OR2M4: variants seen among roughly 807,000 people sequenced by gnomAD.
OR2M4 encodes olfactory receptor 2M4.
Under a neutral mutation model 13.7 loss-of-function variants are expected in OR2M4, and 8 were observed. The ratio of observed to expected loss-of-function variants is 0.58; its 90% confidence interval spans 0.34 to 1.05. The LOEUF (loss-of-function observed/expected upper bound fraction) is 1.05, where lower values mean the gene tolerates loss of function less well. Among genes scored for constraint, OR2M4 ranks in the 50% least tolerant of loss-of-function variants. The pLI, the probability that OR2M4 is intolerant of heterozygous loss-of-function variation, is 0.02. For missense variants in OR2M4, 374 were observed against 381.6 expected (o/e 0.98, Z 0.17); for synonymous variants, 152 against 141.3 (o/e 1.08, Z -0.53).
chr1:248,238,652 G>T (rs977015717), intron 1 of OR2M4, among the ~76,000 whole-genome samples: 2 of 152,162 alleles, frequency 1.3e-5, no homozygotes, highest in Non-Finnish European at 2.9e-5. Context: ...AAGTAGGGAA[G>T]CTCTTATACA....
intron 1 of OR2M4, among the ~76,000 whole-genome samples, chr1:248,231,802 A>T (rs1666508055): frequency 6.6e-6 from 1 of 152,124 alleles, no homozygotes; most frequent in Non-Finnish European, 1.5e-5. Flanking sequence ...AAATGTCCTC[A>T]TTTCTCCTGC....
rs1169193771 is a variant in OR2M4, at chr1:248,239,920, G to T, written c.*56G>T. The T allele has an allele frequency of 7.7e-6, 8 of 1,042,534 alleles. No individual in the cohort carries two copies. Among genetic ancestry groups the T allele is most frequent in the East Asian group, 5.2e-5 (2 of 38,612 alleles). The allele number at this position is 1,042,534 out of a possible 1,614,324, so 64.6% of individuals were successfully genotyped here. A position where few individuals can be genotyped will look rare whatever the true frequency, so the allele number is the denominator to read the frequency against. ...TGGTCAACACTCATTCAAAAAAACT[G>T]GAATCTCTTAAATTATTCTATTTCT... On this transcript the variant is annotated 3_prime_UTR_variant, in exon 2 of 2. Transcript: ENST00000641868.
Position 248,239,137 on chromosome 1 carries a change from A to G in OR2M4, c.209A>G (p.Asp70Gly), listed in dbSNP as rs1238848920. The G allele has an allele frequency of 6.2e-7, 1 of 1,613,742 alleles. No homozygotes were observed. The highest frequency in any genetic ancestry group is 1.3e-5 in the African/African-American group (1 of 74,900). The change falls in exon 2 of 2, where the codon GAC becomes GGC. Residue 70 changes from aspartate to glycine, a missense_variant. Transcript: ENST00000641868. ...CTCCTCAGTCAACTGTCCCTTATGG[A>G]CCTCATGCTCATCTGCACCACTCTA... is the stretch of plus-strand genomic sequence containing the variant. Reference protein sequence around the residue: ...YFLLSQLSLMDLMLICTTLPK... With the variant: ...YFLLSQLSLMGLMLICTTLPK...
intron 1 of OR2M4, among the ~76,000 whole-genome samples, chr1:248,234,458 C>A (rs935760057): frequency 6.6e-6 from 1 of 152,068 alleles, no homozygotes; most frequent in African/African-American, 2.4e-5. Flanking sequence ...CCCCTCAACC[C>A]CCTTAACAGG....
At position 248,240,880 on chromosome 1, in the gene OR2M4, A is replaced by G. The variant is rs1666612314; in HGVS notation, c.*1016A>G. On this transcript the variant is annotated 3_prime_UTR_variant, in exon 2 of 2. Coordinates refer to ENST00000641868, the MANE Select transcript of OR2M4 (RefSeq NM_017504.2). Reference sequence around the variant, plus strand: ...GAGCTCAGTGCTGTCCTGTAAGAGCAGAAAGGAAAACCAGATAAAATTCAG... The same window carrying G: ...GAGCTCAGTGCTGTCCTGTAAGAGCGGAAAGGAAAACCAGATAAAATTCAG... 1 of 152,306 alleles carries G rather than the reference A, an allele frequency of 6.6e-6. No homozygotes were observed. Among genetic ancestry groups the G allele is most frequent in the African/African-American group, 2.4e-5 (1 of 41,448 alleles). The allele number at this position is 152,306 out of a possible 1,614,324, so 9.4% of individuals were successfully genotyped here. A position where few individuals can be genotyped will look rare whatever the true frequency, so the allele number is the denominator to read the frequency against.
chr1:248,234,782 T>TC (rs1283086870), intron 1 of OR2M4, among the ~76,000 whole-genome samples: 1 of 151,978 alleles, frequency 6.6e-6, no homozygotes, highest in African/African-American at 2.4e-5. Context: ...TTTTTTTTTT[T>TC]AATAGGTATG....
chr1:248,232,643 A>T (rs903916053), intron 1 of OR2M4, among the ~76,000 whole-genome samples: 2 of 152,138 alleles, frequency 1.3e-5, no homozygotes, highest in Non-Finnish European at 2.9e-5. Context: ...GCATAAAATC[A>T]TATGGAAGAA....
rs1355935742 is a variant in OR2M4 at position 248,241,698 on chromosome 1, G to C, written c.*1834G>C. 6.6e-6 allele frequency: 1 copy of C among 152,120 alleles called. No individual in the cohort carries two copies. Among genetic ancestry groups the C allele is most frequent in the Non-Finnish European group, 1.5e-5 (1 of 68,026 alleles). 9.4% of individuals were successfully genotyped at this position (152,120 alleles called of 1,614,324 possible). A position where few individuals can be genotyped will look rare whatever the true frequency, so the allele number is the denominator to read the frequency against. On this transcript the variant is annotated 3_prime_UTR_variant, in exon 2 of 2. Transcript: ENST00000641868. The stretch of plus-strand genomic sequence containing the variant: ...GAGGTTGGGAGTTCAAGGCCAGCCT[G>C]ACCAACATGGAGAAATTTCATCTCG...
At chr1:248,232,499 A>G (rs1332612812) in intron 1 of OR2M4, among the ~76,000 whole-genome samples, 1 of 151,740 alleles carries the variant, frequency 6.6e-6, no homozygotes, top group East Asian at 1.9e-4. Context: ...TTTTATTTCT[A>G]TTTTAGCTCT....
chr1:248,237,126 C>T (rs1293581015), intron 1 of OR2M4, among the ~76,000 whole-genome samples: 1 of 152,154 alleles, frequency 6.6e-6, no homozygotes, highest in Non-Finnish European at 1.5e-5. Flanking sequence ...ACACTTCAGG[C>T]CAATATCCCT....
chr1:248,235,997 T>C (rs1185990205), intron 1 of OR2M4, among the ~76,000 whole-genome samples: 1 of 152,126 alleles, frequency 6.6e-6, no homozygotes, highest in Non-Finnish European at 1.5e-5. Context: ...TGTTTCTCTC[T>C]TGCCTTAATG....
At chr1:248,233,123 T>C (rs1335779644) in intron 1 of OR2M4, among the ~76,000 whole-genome samples, 1 of 152,160 alleles carries the variant, frequency 6.6e-6, no homozygotes, top group Non-Finnish European at 1.5e-5. Flanking sequence ...GTTATTTAGT[T>C]TTCCTGCTTT....
rs201781721 is a variant in OR2M4 at position 248,238,949 on chromosome 1, C to T, written c.21C>T (p.Thr7=). Residue 7 remains threonine (T), a synonymous_variant, in exon 2 of 2, where the codon ACC becomes ACT. Coordinates refer to ENST00000641868, the MANE Select transcript of OR2M4 (RefSeq NM_017504.2). MVWENQ[T]FNSIFILLGI... ...CCAGGATGGTGTGGGAAAACCAGAC[C>T]TTCAACTCCATCTTCATCCTGCTGG... 1.0e-5 allele frequency: 16 copies of T among 1,603,746 alleles called. No individual in the cohort carries two copies. The highest frequency in any genetic ancestry group is 1.4e-5 in the Non-Finnish European group (16 of 1,175,474).
chr1:248,231,637 T>C (rs1257731037), intron 1 of OR2M4, 57 bp downstream of exon 1: 5 of 152,202 alleles, frequency 3.3e-5, no homozygotes, highest in Non-Finnish European at 7.3e-5. Context: ...TGTCTTGTGC[T>C]GACCTTATAT....
At chr1:248,233,951 C>T (rs923679921) in intron 1 of OR2M4, among the ~76,000 whole-genome samples, 5 of 152,228 alleles carry the variant, frequency 3.3e-5, no homozygotes, top group South Asian at 2.1e-4. Context: ...TCTTCTTCCA[C>T]TGTTATTGCC....
chr1:248,235,484 A>G (rs976645413), intron 1 of OR2M4, among the ~76,000 whole-genome samples: 3 of 152,090 alleles, frequency 2.0e-5, no homozygotes, highest in Non-Finnish European at 4.4e-5. Flanking sequence ...ACTTGGCTAC[A>G]TGGGCTTCTT....
chr1:248,236,821 G>T (rs1411637160), intron 1 of OR2M4, among the ~76,000 whole-genome samples: 1 of 152,038 alleles, frequency 6.6e-6, no homozygotes, highest in African/African-American at 2.4e-5. Context: ...TAGAAGAAAT[G>T]GATAAATTCA....
At chr1:248,233,696 T>A (rs1666526266) in intron 1 of OR2M4, among the ~76,000 whole-genome samples, 1 of 152,192 alleles carries the variant, frequency 6.6e-6, no homozygotes, top group South Asian at 2.1e-4. Flanking sequence ...TTTCATCATT[T>A]CAAGCTTTGA....
rs1666630373 is a variant in OR2M4 at position 248,242,792 on chromosome 1, G to C, written c.*2928G>C. ...TGAGCTTGAAATGGAAACATTTTAT[G>C]ATATGAATCGATAATGATTTTGTAC... On this transcript the variant is annotated 3_prime_UTR_variant, in exon 2 of 2. Transcript: ENST00000641868. 1 of 152,138 alleles carries C rather than the reference G, an allele frequency of 6.6e-6. No homozygotes were observed. Among genetic ancestry groups the C allele is most frequent in the South Asian group, 2.1e-4 (1 of 4,822 alleles). The allele number at this position is 152,138 out of a possible 1,614,324, so 9.4% of individuals were successfully genotyped here.
Sources: gnomAD v4.1 joint callset for allele counts (sites outside exome capture counted in the v4.1 genomes callset) on GRCh38, gnomAD v4.1.1 for gene constraint, MANE v1.5 for transcripts, NCBI Gene and HGNC (gene_info 2026-07-23, HGNC 2026-07-21) for gene names.